COPB2: variants seen among roughly 807,000 people sequenced by gnomAD.
COPB2 encodes the protein coat protein complex I subunit beta 2.
A neutral mutation model predicts 120.8 loss-of-function variants in COPB2; 16 were observed. The observed-to-expected ratio is 0.13, with a 90% confidence interval of 0.09 to 0.20. The LOEUF is 0.20. Ranked by LOEUF, COPB2 falls within the 10% of genes least tolerant of loss-of-function variation. The pLI is 1.00. For synonymous variants in COPB2, 332 were observed against 366.3 expected, an observed-to-expected ratio of 0.91 and a Z score of 1.07; for missense variants, 794 against 1,076.5, an observed-to-expected ratio of 0.74 and a Z score of 3.67.
At chr3:139,361,477 A>G (rs1005212100) in intron 16 of COPB2, among the ~76,000 whole-genome samples, 182 bp from the exon 17 acceptor site, 3 of 152,384 alleles carry the variant, frequency 2.0e-5, no homozygotes, top group Middle Eastern at 3.4e-3. Context: ...ATTAATGTAT[A>G]CAAAATGAAT....
At chr3:139,374,300 ATG>A (rs1491086402) in intron 7 of COPB2, 187 bp downstream of exon 7, 12 of 158,226 alleles carry the variant, frequency 7.6e-5, no homozygotes, top group African/African-American at 1.3e-4. Flanking sequence ...AATGATGACG[ATG>A]ATGATGATGA....
intron 19 of COPB2, 37 bp from the exon 20 acceptor site, chr3:139,358,849 C>T: frequency 6.3e-7 from 1 of 1,580,342 alleles, no homozygotes; most frequent in Non-Finnish European, 8.7e-7. Context: ...ATGAGATATT[C>T]TGAAATCATA....
intron 1 of COPB2, among the ~76,000 whole-genome samples, chr3:139,388,992 A>G (rs993679848): frequency 2.0e-5 from 3 of 152,144 alleles, no homozygotes; most frequent in Admixed American, 2.0e-4. Context: ...CACACCAGCC[A>G]GTGTTATAAA....
chr3:139,376,781 G>A (rs989591385), intron 5 of COPB2, among the ~76,000 whole-genome samples: 3 of 152,140 alleles, frequency 2.0e-5, no homozygotes, highest in Non-Finnish European at 2.9e-5. Flanking sequence ...ATGGAGTCTC[G>A]CTCTGTCCCC....
At position 139,379,338 on chromosome 3, in the gene COPB2, C is replaced by G. The variant is rs773883181; in HGVS notation, c.228+42G>C. On this transcript the variant is annotated intron_variant, in intron 3 of 21. Coordinates refer to ENST00000333188, the MANE Select transcript of COPB2 (RefSeq NM_004766.3). Reference sequence around the variant, plus strand: ...GCAACAAATTTACACAATCATTGACCAATTCAGAAAATGGGAATAGAGATT... The same window carrying G: ...GCAACAAATTTACACAATCATTGACGAATTCAGAAAATGGGAATAGAGATT... The G allele has an allele frequency of 7.5e-6, 12 of 1,591,028 alleles. No homozygotes were observed. In the Admixed American group the frequency reaches 1.7e-4, roughly 22 times the overall value.
intron 9 of COPB2, 34 bp from the exon 10 acceptor site, chr3:139,371,867 G>A (rs758673478): frequency 1.3e-6 from 2 of 1,516,144 alleles, no homozygotes; most frequent in Non-Finnish European, 1.8e-6. Context: ...GGGAAGTACA[G>A]AGGACCAAAG....
At chr3:139,358,860 A>ATT in intron 19 of COPB2, 48 bp from the exon 20 acceptor site, 1 of 1,570,414 alleles carries the variant, frequency 6.4e-7, no homozygotes, top group South Asian at 1.1e-5. Flanking sequence ...TGAAATCATA[A>ATT]TTTACCTATG....
chr3:139,377,926 G>A, intron 5 of COPB2, 115 bp downstream of exon 5: 1 of 991,426 alleles, frequency 1.0e-6, no homozygotes, highest in Non-Finnish European at 1.4e-6. Context: ...CTTCAAAACA[G>A]GCTTTTGAGG....
chr3:139,381,587 C>T (rs1576378711), intron 2 of COPB2: 1 of 152,206 alleles, frequency 6.6e-6, no homozygotes, highest in Admixed American at 6.5e-5. Context: ...GGAAATTAAA[C>T]ATGAAATTAC....
chr3:139,387,762 A>C (rs1941949818), intron 1 of COPB2, among the ~76,000 whole-genome samples: 1 of 152,226 alleles, frequency 6.6e-6, no homozygotes, highest in Non-Finnish European at 1.5e-5. Context: ...CAGATGTGCA[A>C]TAGTGGGCAA....
In COPB2 at chr3:139,373,775, C is replaced by T. The variant is rs1352790979; in HGVS notation, c.785G>A (p.Arg262Gln). Residue 262 changes from arginine (R) to glutamine (Q), a missense_variant, in exon 8 of 22, where the codon CGG (arginine) becomes CAG (glutamine). Transcript: ENST00000333188. ...TVRIWHSSTY[R>Q]LESTLNYGME... ...TCCATAATTCAGTGTGCTCTCAAGC[C>T]GGTAGGTGCTTGAATGCCAAATACG... 4 of 1,613,920 alleles carry T rather than the reference C, an allele frequency of 2.5e-6. No individual in the cohort carries two copies. The highest frequency in any genetic ancestry group is 1.3e-5 in the African/African-American group (1 of 74,882).
chr3:139,357,585 C>T lies in COPB2; in HGVS notation c.*278G>A, dbSNP rs1179819516. On this transcript the variant is annotated 3_prime_UTR_variant, in exon 22 of 22. Transcript: ENST00000333188. ...TCATTATTGAGAAAGGAAACAAGTA[C>T]CTTCATTAATTCAAAAGGTTTTATG... 3.7e-6 allele frequency: 1 copy of T among 271,158 alleles called. No homozygotes were observed. The highest frequency in any genetic ancestry group is 5.1e-5 in the Admixed American group (1 of 19,526). The allele number at this position is 271,158 out of a possible 1,614,324, so 16.8% of individuals were successfully genotyped here.
At chr3:139,366,485 A>G in intron 15 of COPB2, 83 bp downstream of exon 15, 1 of 1,287,144 alleles carries the variant, frequency 7.8e-7, no homozygotes, top group South Asian at 1.5e-5. Context: ...GGCAATTAAG[A>G]AATAAAGTTT....
chr3:139,362,364 T>G, intron 16 of COPB2, 43 bp downstream of exon 16: 1 of 1,413,008 alleles, frequency 7.1e-7, no homozygotes, highest in South Asian at 1.2e-5. Flanking sequence ...AAGTACCTAC[T>G]GACTTTTCCA....
Position 139,383,294 on chromosome 3 carries a change from C to T in COPB2, c.141+4G>A, listed in dbSNP as rs1941848859. The T allele has an allele frequency of 6.2e-7, 1 of 1,613,736 alleles. No homozygotes were observed. Among genetic ancestry groups the T allele is most frequent in the Non-Finnish European group, 8.5e-7 (1 of 1,179,820 alleles). Reference sequence around the variant, plus strand: ...TTTCTAATACAGTCCTGAAAAATTCCTACCTGTGTTTCATGATTCCAAACA... The same window carrying T: ...TTTCTAATACAGTCCTGAAAAATTCTTACCTGTGTTTCATGATTCCAAACA... On this transcript the variant is annotated splice_donor_region_variant and intron_variant, in intron 2 of 21. Coordinates refer to ENST00000333188, the MANE Select transcript of COPB2 (RefSeq NM_004766.3).
At position 139,357,609 on chromosome 3, in the gene COPB2, T is replaced by C; in HGVS notation, c.*254A>G. ...ACCTTCATTAATTCAAAAGGTTTTA[T>C]GAGATATGGTCTAATAGTATGAAAA... is the stretch of plus-strand genomic sequence containing the variant. On this transcript the variant is annotated 3_prime_UTR_variant, in exon 22 of 22. Transcript: ENST00000333188. 3.1e-6 allele frequency: 1 copy of C among 318,064 alleles called. No individual in the cohort carries two copies. Among genetic ancestry groups the C allele is most frequent in the Non-Finnish European group, 5.7e-6 (1 of 175,724 alleles). 19.7% of individuals were successfully genotyped at this position (318,064 alleles called of 1,614,324 possible).
At chr3:139,368,811 A>G (rs1260278084) in intron 12 of COPB2, among the ~76,000 whole-genome samples, 1 of 152,212 alleles carries the variant, frequency 6.6e-6, no homozygotes, top group Non-Finnish European at 1.5e-5. Flanking sequence ...TTTGTTTCCA[A>G]AGATAATCTC....
chr3:139,366,562 T>C lies in COPB2; in HGVS notation c.1884+6A>G. The C allele has an allele frequency of 6.3e-7, 1 of 1,599,556 alleles. No individual in the cohort carries two copies. Among genetic ancestry groups the C allele is most frequent in the Non-Finnish European group, 8.5e-7 (1 of 1,173,076 alleles). On this transcript the variant is annotated splice_donor_region_variant and intron_variant, in intron 15 of 21. Coordinates refer to ENST00000333188, the MANE Select transcript of COPB2 (RefSeq NM_004766.3). Reference sequence around the variant, plus strand: ...AAAACAAAAAGAAAAAAACAAAACCTCTTACCTGCTTTTCCAAAAAGTGTG... The same window carrying C: ...AAAACAAAAAGAAAAAAACAAAACCCCTTACCTGCTTTTCCAAAAAGTGTG...
chr3:139,366,484 GAAAT>G (rs1280705163), intron 15 of COPB2, 80 bp downstream of exon 15: 33 of 1,276,300 alleles, frequency 2.6e-5, no homozygotes, highest in Non-Finnish European at 3.4e-5. Context: ...TGGCAATTAA[GAAAT>G]AAAGTTTTTC....
Sources: allele counts gnomAD v4.1 joint callset (sites outside exome capture counted in the v4.1 genomes callset), GRCh38; gene constraint gnomAD v4.1.1; transcripts MANE v1.5; gene names NCBI Gene and HGNC (gene_info 2026-07-23, HGNC 2026-07-21).